PDXK: variants seen among roughly 807,000 people sequenced by gnomAD.
PDXK encodes pyridoxal kinase.
A neutral mutation model predicts 43.2 loss-of-function variants in PDXK; 15 were observed. The ratio of observed to expected loss-of-function variants is 0.35; its 90% CI spans 0.23 to 0.53. PDXK has a LOEUF of 0.53. Among genes scored for constraint, PDXK ranks in the 20% least tolerant of loss-of-function variants. PDXK has a pLI of 0.92. For missense variants in PDXK, 343 were observed against 417.0 expected (o/e 0.82, Z 1.54); for synonymous variants, 172 against 165.4 (o/e 1.04, Z -0.31).
rs1017472412 is a variant in PDXK at position 43,735,628 on chromosome 21, G to C, written c.142+1505G>C. 2.6e-5 allele frequency among the ~76,000 whole-genome samples: 4 copies of C among 152,128 alleles called. No individual in the cohort carries two copies. The highest frequency in any genetic ancestry group is 2.1e-4 in the South Asian group (1 of 4,832). Reference sequence around the variant, plus strand: ...CATGGGGTCCAGCCTGTGGTTCCTGGGAGCCCCCACTCCAGCCTCCTCCAG... The same window carrying C: ...CATGGGGTCCAGCCTGTGGTTCCTGCGAGCCCCCACTCCAGCCTCCTCCAG... On this transcript the variant is annotated intron_variant, in intron 2 of 10. Transcript: ENST00000291565. The surrounding 1 kb of genome is among the most constrained non-coding windows in gnomAD (Gnocchi z 5.3).
At chr21:43,730,840 A>T (rs994832922) in intron 1 of PDXK, among the ~76,000 whole-genome samples, 2 of 152,106 alleles carry the variant, frequency 1.3e-5, no homozygotes, top group Non-Finnish European at 2.9e-5. Context: ...CTGTAGTCCT[A>T]GCTACTCAGG....
chr21:43,749,289 G>A (rs2083693766), intron 6 of PDXK, among the ~76,000 whole-genome samples: 1 of 152,160 alleles, frequency 6.6e-6, no homozygotes, highest in Non-Finnish European at 1.5e-5. Context: ...ATTTTTAGTA[G>A]TGACGGGGTT....
intron 8 of PDXK, 112 bp from the exon 9 acceptor site, chr21:43,753,471 C>T (rs1381640112): frequency 6.3e-6 from 7 of 1,105,510 alleles, no homozygotes; most frequent in Non-Finnish European, 9.1e-6. Flanking sequence ...CCACCTTGTG[C>T]TCTGCCCCTG....
intron 2 of PDXK, among the ~76,000 whole-genome samples, chr21:43,736,154 T>G (rs2083397926): frequency 6.6e-6 from 1 of 152,128 alleles, no homozygotes; most frequent in Non-Finnish European, 1.5e-5. Flanking sequence ...CCCTACCCTC[T>G]GTCTAAGGGC....
chr21:43,731,656 T>C (rs2083319397), intron 1 of PDXK, among the ~76,000 whole-genome samples: 1 of 151,788 alleles, frequency 6.6e-6, no homozygotes, highest in Non-Finnish European at 1.5e-5. Context: ...GGGAGGTGAG[T>C]GTTGTGGAGA....
At chr21:43,731,024 A>C (rs918805790) in intron 1 of PDXK, among the ~76,000 whole-genome samples, 6 of 152,064 alleles carry the variant, frequency 3.9e-5, no homozygotes, top group Non-Finnish European at 7.4e-5. Context: ...TAGAGATGGA[A>C]TCTTGCTATG....
intron 7 of PDXK, among the ~76,000 whole-genome samples, chr21:43,752,010 C>T (rs2083758564): frequency 6.6e-6 from 1 of 152,188 alleles, no homozygotes; most frequent in African/African-American, 2.4e-5. Flanking sequence ...TTTCGCTGAC[C>T]TGGTATTGGG....
intron 2 of PDXK, among the ~76,000 whole-genome samples, chr21:43,736,336 G>A (rs555024034): frequency 5.2e-4 from 79 of 152,154 alleles, no homozygotes; most frequent in Non-Finnish European, 9.7e-4. Context: ...CAGGGGCCAC[G>A]TTGTCATGTT....
rs1199725404 is a variant in PDXK, at chr21:43,757,696, A to G, written c.*1633A>G. 11 of 143,296 alleles carry G rather than the reference A, an allele frequency of 7.7e-5. No individual in the cohort carries two copies. Among genetic ancestry groups the G allele is most frequent in the Non-Finnish European group, 1.2e-4 (8 of 66,694 alleles). The allele number at this position is 143,296 out of a possible 1,614,324, so 8.9% of individuals were successfully genotyped here. On this transcript the variant is annotated 3_prime_UTR_variant, in exon 11 of 11. Coordinates refer to ENST00000291565, the MANE Select transcript of PDXK (RefSeq NM_003681.5). Reference sequence around the variant, plus strand: ...GGCGCCTGGCTCCCCCACCTCAGCCAGTGAGTCAGACACGGGTTTCGCAGC... The same window carrying G: ...GGCGCCTGGCTCCCCCACCTCAGCCGGTGAGTCAGACACGGGTTTCGCAGC...
In PDXK at chr21:43,734,226, C is replaced by T. The variant is rs539896460; in HGVS notation, c.142+103C>T. 1.4e-5 allele frequency: 15 copies of T among 1,087,294 alleles called. No homozygotes were observed. Among genetic ancestry groups the T allele is most frequent in the East Asian group, 1.2e-4 (5 of 41,890 alleles). 67.4% of individuals were successfully genotyped at this position (1,087,294 alleles called of 1,614,324 possible). On this transcript the variant is annotated intron_variant, in intron 2 of 10. Coordinates refer to ENST00000291565, the MANE Select transcript of PDXK (RefSeq NM_003681.5). The surrounding 1 kb of genome is among the most constrained non-coding windows in gnomAD (Gnocchi z 5.0). The stretch of plus-strand genomic sequence containing the variant: ...CGGGGCGGAGTGTGGGTGTGAGGGA[C>T]GGGGCTTTCGTGTGGACGGGGACCT...
intron 1 of PDXK, chr21:43,719,761 G>A: frequency 1.0e-6 from 1 of 985,484 alleles, no homozygotes; most frequent in Non-Finnish European, 1.2e-6. Context: ...GCCCCGAGGA[G>A]TCCCGGAGCA....
chr21:43,741,039 T>C (rs112556345), intron 2 of PDXK: 16,751 of 145,510 alleles, frequency 0.12, 3,267 homozygotes, highest in African/African-American at 0.4. Flanking sequence ...AGCCGTGAGC[T>C]GGTGTGTCTC....
At position 43,754,837 on chromosome 21, in the gene PDXK, C is replaced by T. The variant is rs116314609; in HGVS notation, c.760-861C>T. Among the ~76,000 whole-genome samples, 1 of 152,136 alleles carries T rather than the reference C, an allele frequency of 6.6e-6. No homozygotes were observed. The highest frequency in any genetic ancestry group is 2.4e-5 in the African/African-American group (1 of 41,434). On this transcript the variant is annotated intron_variant, in intron 9 of 10. Transcript: ENST00000291565. This position sits in a 1 kb window ranked among gnomAD's most constrained non-coding sequence, Gnocchi z 5.5. ...GGGCCACGTGTCCCCCGGGGTACACCTCCTCCCCAACAAGTCAGTTTCAGC... is the reference window on the plus strand; with the variant it reads ...GGGCCACGTGTCCCCCGGGGTACACTTCCTCCCCAACAAGTCAGTTTCAGC...
intron 5 of PDXK, among the ~76,000 whole-genome samples, chr21:43,747,932 G>A (rs1038339237): frequency 1.3e-5 from 2 of 152,142 alleles, no homozygotes; most frequent in Admixed American, 6.5e-5. Context: ...GGACATCCAC[G>A]TGCCACCCAC....
rs377521637 is a variant in PDXK, at chr21:43,732,428, G to A, written c.88-1641G>A. 2.5e-6 allele frequency: 4 copies of A among 1,612,790 alleles called. No homozygotes were observed. The highest frequency in any genetic ancestry group is 3.4e-6 in the Non-Finnish European group (4 of 1,179,898). On this transcript the variant is annotated intron_variant, in intron 1 of 10. Transcript: ENST00000291565. The surrounding 1 kb of genome is among the most constrained non-coding windows in gnomAD (Gnocchi z 4.1). ...ACCAGCTTGCGATGCTGATGAATAA[G>A]CTGATTTTGATGGGGTGTGTGAAAC...
rs2083852219 is a variant in PDXK at position 43,756,406 on chromosome 21, C to T, written c.*343C>T. On this transcript the variant is annotated 3_prime_UTR_variant, in exon 11 of 11. Transcript: ENST00000291565. ...GCTGCGTGTGGAGCCTCGAGTGGGC[C>T]CTGGCTGCCACTACCGTACAGAGGC... 1 of 257,890 alleles carries T rather than the reference C, an allele frequency of 3.9e-6. No homozygotes were observed. The highest frequency in any genetic ancestry group is 2.3e-5 in the African/African-American group (1 of 44,076). The allele number at this position is 257,890 out of a possible 1,614,324, so 16.0% of individuals were successfully genotyped here. A position where few individuals can be genotyped will look rare whatever the true frequency, so the allele number is the denominator to read the frequency against.
chr21:43,729,679 C>T (rs1601787830), intron 1 of PDXK, among the ~76,000 whole-genome samples: 1 of 152,198 alleles, frequency 6.6e-6, no homozygotes, highest in South Asian at 2.1e-4. Flanking sequence ...TGGCTCACGC[C>T]TTGTTATTGC....
Position 43,734,209 on chromosome 21 carries a change from AGTGTGGGTGTGAGGGACGGGGCTTTC to A in PDXK, c.142+93_142+118del. ...AGTGTGGGTGTGAGGGACGGGGCGG[AGTGTGGGTGTGAGGGACGGGGCTTTC>A]GTGTGGACGGGGACCTGGAGTCCTG... On this transcript the variant is annotated intron_variant, in intron 2 of 10. Coordinates refer to ENST00000291565, the MANE Select transcript of PDXK (RefSeq NM_003681.5). This position sits in a 1 kb window ranked among gnomAD's most constrained non-coding sequence, Gnocchi z 5.0. 4.0e-6 allele frequency: 5 copies of A among 1,262,748 alleles called. No individual in the cohort carries two copies. The South Asian group carries it at 4.8e-5, about 12-fold the overall frequency. 78.2% of individuals were successfully genotyped at this position (1,262,748 alleles called of 1,614,324 possible).
At chr21:43,747,457 C>T (rs1462388146) in intron 5 of PDXK, among the ~76,000 whole-genome samples, 1 of 152,274 alleles carries the variant, frequency 6.6e-6, no homozygotes, top group Non-Finnish European at 1.5e-5. Flanking sequence ...TGTGCCCTCC[C>T]TGCCCCGCTG....
Sources: allele counts gnomAD v4.1 joint callset (sites outside exome capture counted in the v4.1 genomes callset), GRCh38; gene constraint gnomAD v4.1.1; non-coding constraint Gnocchi (gnomAD v3.1); transcripts MANE v1.5; gene names NCBI Gene and HGNC (gene_info 2026-07-23, HGNC 2026-07-21).